XRCC2: variants seen among roughly 807,000 people sequenced by gnomAD.
XRCC2 encodes DNA repair protein XRCC2.
A neutral mutation model predicts 27.3 loss-of-function variants in XRCC2; 24 were observed. The observed-to-expected ratio is 0.88, with a 90% CI of 0.64 to 1.24. The LOEUF (loss-of-function observed/expected upper bound fraction) is 1.24. XRCC2 is among the 50% of genes most tolerant of loss of function. The pLI is 0.00. For missense variants in XRCC2, 321 were observed against 325.8 expected (o/e 0.99, Z 0.11); for synonymous variants, 106 against 115.4 (o/e 0.92, Z 0.52).
rs3218511 is a variant in XRCC2, at chr7:152,653,577, C to T, written c.122-4214G>A. On this transcript the variant is annotated intron_variant, in intron 2 of 2. Coordinates refer to ENST00000359321, the MANE Select transcript of XRCC2 (RefSeq NM_005431.2). ...CAGGCTCAAGCCATCCTCCCACCTC[C>T]GCCTCCTGAGTAGCTGGGACCACAG... 2.1e-4 allele frequency among the ~76,000 whole-genome samples: 32 copies of T among 152,126 alleles called. No individual in the cohort carries two copies. In the South Asian group the frequency reaches 3.9e-3, roughly 19 times the overall value.
At chr7:152,662,565 A>ATTTTTTTTTTTTTTTTT (rs11323323) in intron 1 of XRCC2, among the ~76,000 whole-genome samples, 3 of 67,770 alleles carry the variant, frequency 4.4e-5, no homozygotes, top group African/African-American at 5.4e-5. Context: ...TTTTATTTGC[A>ATTTTTTTTTTTTTTTTT]TTTTTTTTTT....
At chr7:152,657,694 TA>T (rs1224261696) in intron 2 of XRCC2, among the ~76,000 whole-genome samples, 2 of 152,322 alleles carry the variant, frequency 1.3e-5, no homozygotes, top group East Asian at 3.9e-4. Context: ...ACCTATACAG[TA>T]AACAAAGCTT....
At chr7:152,656,025 T>C (rs769945283) in intron 2 of XRCC2, among the ~76,000 whole-genome samples, 6 of 151,824 alleles carry the variant, frequency 4.0e-5, no homozygotes, top group Non-Finnish European at 7.4e-5. Context: ...TGAGAACACA[T>C]GGACACAGGG....
intron 2 of XRCC2, among the ~76,000 whole-genome samples, chr7:152,655,647 G>A (rs1422818761): frequency 6.6e-6 from 1 of 152,206 alleles, no homozygotes; most frequent in Non-Finnish European, 1.5e-5. Context: ...GGTTGGTCGA[G>A]GCTGCAGCGA....
chr7:152,653,154 GAGTA>G (rs2098029255), intron 2 of XRCC2, among the ~76,000 whole-genome samples: 1 of 152,096 alleles, frequency 6.6e-6, no homozygotes, highest in African/African-American at 2.4e-5. Context: ...TCGTGATAGT[GAGTA>G]AGTCTCATGG....
chr7:152,654,678 A>G (rs899576909), intron 2 of XRCC2, among the ~76,000 whole-genome samples: 12 of 152,264 alleles, frequency 7.9e-5, no homozygotes, highest in African/African-American at 2.9e-4. Flanking sequence ...CACTGCTTCT[A>G]GAGTAACAGC....
intron 1 of XRCC2, among the ~76,000 whole-genome samples, chr7:152,665,861 CAAG>C (rs2098035391): frequency 6.6e-6 from 1 of 152,054 alleles, no homozygotes; most frequent in Admixed American, 6.6e-5. Flanking sequence ...TAACAGTAAC[CAAG>C]AAGAATATCT....
At chr7:152,663,659 C>T (rs995535352) in intron 1 of XRCC2, among the ~76,000 whole-genome samples, 8 of 152,048 alleles carry the variant, frequency 5.3e-5, no homozygotes, top group East Asian at 3.9e-4. Flanking sequence ...GGAAACATGG[C>T]GAAACCCTGT....
At chr7:152,656,639 C>T (rs1388767507) in intron 2 of XRCC2, among the ~76,000 whole-genome samples, 3 of 152,072 alleles carry the variant, frequency 2.0e-5, no homozygotes, top group Non-Finnish European at 2.9e-5. Context: ...TGTTTTTCAA[C>T]GTTTCTATAA....
At chr7:152,650,631 C>G (rs1280890085) in intron 2 of XRCC2, among the ~76,000 whole-genome samples, 1 of 152,216 alleles carries the variant, frequency 6.6e-6, no homozygotes, top group Admixed American at 6.5e-5. Flanking sequence ...TGGCTCACGC[C>G]TGTAATCCCA....
At chr7:152,651,916 C>T (rs550919725) in intron 2 of XRCC2, among the ~76,000 whole-genome samples, 4 of 151,404 alleles carry the variant, frequency 2.6e-5, no homozygotes, top group African/African-American at 9.7e-5. Flanking sequence ...ATCTGTAATC[C>T]AGCACTTTGG....
intron 2 of XRCC2, among the ~76,000 whole-genome samples, chr7:152,652,010 T>TA (rs959220640): frequency 4.0e-5 from 6 of 150,396 alleles, no homozygotes; most frequent in African/African-American, 1.2e-4. Context: ...TACAAAAAAT[T>TA]AAAAAAAAGA....
At chr7:152,656,208 AAAATT>A (rs1173362101) in intron 2 of XRCC2, among the ~76,000 whole-genome samples, 2 of 152,174 alleles carry the variant, frequency 1.3e-5, no homozygotes, top group African/African-American at 2.4e-5. Context: ...CCTAGAATTT[AAAATT>A]AAATTAAAAT....
chr7:152,660,458 TTG>T (rs1325978386), intron 2 of XRCC2, among the ~76,000 whole-genome samples: 3 of 152,148 alleles, frequency 2.0e-5, no homozygotes, highest in African/African-American at 7.2e-5. Context: ...TGCATAAATA[TTG>T]TGTGTTGAGA....
At chr7:152,658,053 C>T (rs1563029291) in intron 2 of XRCC2, among the ~76,000 whole-genome samples, 1 of 151,080 alleles carries the variant, frequency 6.6e-6, no homozygotes, top group Non-Finnish European at 1.5e-5. Context: ...GCAACTTCCA[C>T]CTCCCAGGTT....
chr7:152,675,401 A>C (rs747581517), intron 1 of XRCC2, among the ~76,000 whole-genome samples: 2 of 152,098 alleles, frequency 1.3e-5, no homozygotes, highest in Non-Finnish European at 2.9e-5. Flanking sequence ...GGCAGAAGTT[A>C]TGTCTTTTGT....
chr7:152,670,583 A>C (rs2098037766), intron 1 of XRCC2, among the ~76,000 whole-genome samples: 1 of 151,952 alleles, frequency 6.6e-6, no homozygotes, highest in Non-Finnish European at 1.5e-5. Context: ...TCGCCTATTT[A>C]GTAGAATACA....
intron 2 of XRCC2, among the ~76,000 whole-genome samples, chr7:152,656,699 G>A (rs947241085): frequency 6.6e-6 from 1 of 152,204 alleles, no homozygotes; most frequent in South Asian, 2.1e-4. Flanking sequence ...TTAACATATT[G>A]TCAGTTTCAT....
intron 1 of XRCC2, among the ~76,000 whole-genome samples, chr7:152,670,094 A>T (rs1043288202): frequency 6.6e-5 from 10 of 152,122 alleles, no homozygotes; most frequent in African/African-American, 2.2e-4. Flanking sequence ...CTTTCAGGTA[A>T]ATATAAATTG....
Sources: gnomAD v4.1 joint callset for allele counts (sites outside exome capture counted in the v4.1 genomes callset) on GRCh38, gnomAD v4.1.1 for gene constraint, MANE v1.5 for transcripts, NCBI Gene and HGNC (gene_info 2026-07-23, HGNC 2026-07-21) for gene names.